Variants in ARMC10 observed in about 807,000 individuals in gnomAD.
ARMC10 encodes armadillo repeat-containing protein 10.
A neutral mutation model predicts 30.2 loss-of-function variants in ARMC10; 23 were observed. The observed-to-expected ratio is 0.76, with a 90% CI of 0.55 to 1.08. The LOEUF (loss-of-function observed/expected upper bound fraction) is 1.08, where lower values mean the gene tolerates loss of function less well. Among genes scored for constraint, ARMC10 ranks in the 50% least tolerant of loss-of-function variants. The pLI, the probability that ARMC10 is intolerant of heterozygous loss-of-function variation, is 0.00. For missense variants in ARMC10, 303 were observed against 413.7 expected (o/e 0.73, Z 2.32); for synonymous variants, 111 against 164.4 (o/e 0.68, Z 2.48).
chr7:103,083,989 AAC>A, intron 3 of ARMC10, 159 bp downstream of exon 3: 1 of 1,488,202 alleles, frequency 6.7e-7, no homozygotes, highest in South Asian at 1.3e-5. Flanking sequence ...ACTTCTGAAA[AAC>A]ACAGCCTAAT....
intron 4 of ARMC10, 141 bp downstream of exon 4, chr7:103,086,905 G>C: frequency 6.6e-7 from 1 of 1,518,032 alleles, no homozygotes; most frequent in Non-Finnish European, 8.8e-7. Context: ...GAATAAGACA[G>C]AAGAGGGAGG....
At chr7:103,088,882 C>G (rs1275884507) in intron 4 of ARMC10, 1 of 153,808 alleles carries the variant, frequency 6.5e-6, no homozygotes, top group Non-Finnish European at 1.5e-5. Flanking sequence ...CCATAGTGTC[C>G]CATGGGTTTA....
At chr7:103,091,931 G>T (rs1187662820) in intron 4 of ARMC10, among the ~76,000 whole-genome samples, 1 of 152,356 alleles carries the variant, frequency 6.6e-6, no homozygotes, top group South Asian at 2.1e-4. Context: ...ACTCATTAGA[G>T]TTGTCTTCAG....
Position 103,098,602 on chromosome 7 carries a change from T to C in ARMC10, c.*49T>C. The C allele has an allele frequency of 6.7e-7, 1 of 1,496,780 alleles. No homozygotes were observed. The highest frequency in any genetic ancestry group is 1.4e-5 in the African/African-American group (1 of 71,456). The allele number at this position is 1,496,780 out of a possible 1,614,324, so 92.7% of individuals were successfully genotyped here. A position where few individuals can be genotyped will look rare whatever the true frequency, so the allele number is the denominator to read the frequency against. ...AATGCAGTCTGGATATAAACGTATT[T>C]TCTGTCTTCCTTATAAGGGGATTCT... On this transcript the variant is annotated 3_prime_UTR_variant, in exon 7 of 7. Coordinates refer to ENST00000323716, the MANE Select transcript of ARMC10 (RefSeq NM_031905.5).
chr7:103,092,772 A>C (rs1348720212), intron 5 of ARMC10, 119 bp downstream of exon 5: 1 of 677,408 alleles, frequency 1.5e-6, no homozygotes, highest in Admixed American at 3.9e-5. Context: ...GGCCCAAGAA[A>C]GTATATTATT....
intron 2 of ARMC10, among the ~76,000 whole-genome samples, chr7:103,080,615 A>G (rs1800297309): frequency 6.6e-6 from 1 of 150,450 alleles, no homozygotes; most frequent in African/African-American, 2.4e-5. Context: ...TAGGCTCATT[A>G]TTTTATTTTT....
At chr7:103,091,058 T>G (rs1801274097) in intron 4 of ARMC10, among the ~76,000 whole-genome samples, 1 of 152,200 alleles carries the variant, frequency 6.6e-6, no homozygotes, top group African/African-American at 2.4e-5. Flanking sequence ...TTCTTAGCAG[T>G]TAGAACTTTT....
intron 1 of ARMC10, 110 bp downstream of exon 1, chr7:103,075,521 G>T: frequency 8.9e-7 from 1 of 1,129,504 alleles, no homozygotes. Flanking sequence ...CGAGCTAGAG[G>T]GAGAGGCAGT....
chr7:103,097,612 A>C (rs1053108209), intron 6 of ARMC10, among the ~76,000 whole-genome samples: 1 of 152,178 alleles, frequency 6.6e-6, no homozygotes, highest in Non-Finnish European at 1.5e-5. Flanking sequence ...TTTGGGTACA[A>C]TTGTGCCATC....
intron 2 of ARMC10, among the ~76,000 whole-genome samples, chr7:103,079,910 A>C (rs1156631891): frequency 6.6e-6 from 1 of 152,368 alleles, no homozygotes; most frequent in East Asian, 1.9e-4. Context: ...CTACATAAAC[A>C]GGCATATTGT....
intron 4 of ARMC10, among the ~76,000 whole-genome samples, chr7:103,092,015 A>G (rs1020182958): frequency 2.0e-5 from 3 of 152,246 alleles, no homozygotes; most frequent in African/African-American, 7.2e-5. Flanking sequence ...TAAAAAGTCA[A>G]CAACTTTTGA....
intron 2 of ARMC10, among the ~76,000 whole-genome samples, chr7:103,079,650 A>G (rs1216219056): frequency 6.6e-6 from 1 of 152,254 alleles, no homozygotes; most frequent in African/African-American, 2.4e-5. Flanking sequence ...AGAATTAACT[A>G]ACTACTAGAA....
chr7:103,085,193 T>C (rs560431991), intron 3 of ARMC10, among the ~76,000 whole-genome samples: 4 of 152,248 alleles, frequency 2.6e-5, no homozygotes, highest in South Asian at 2.1e-4. Context: ...AGAAGTACTT[T>C]CTTGAGCAGC....
chr7:103,080,697 G>A (rs984602949), intron 2 of ARMC10, among the ~76,000 whole-genome samples: 4 of 148,842 alleles, frequency 2.7e-5, no homozygotes, highest in South Asian at 4.3e-4. Flanking sequence ...GTGGGATCTC[G>A]GCTCACTGCA....
intron 2 of ARMC10, chr7:103,082,989 T>C (rs1800524339): frequency 2.2e-6 from 1 of 449,620 alleles, no homozygotes. Flanking sequence ...TTTACTCTCA[T>C]AGCTTTCCTT....
chr7:103,084,260 C>T (rs1023625840), intron 3 of ARMC10, among the ~76,000 whole-genome samples: 1 of 152,222 alleles, frequency 6.6e-6, no homozygotes, highest in African/African-American at 2.4e-5. Flanking sequence ...TAAATGGCTC[C>T]TGCAAATGGA....
rs184600580 is a variant in ARMC10, at chr7:103,084,872, A to T, written c.393+1042A>T. On this transcript the variant is annotated intron_variant, in intron 3 of 6. Coordinates refer to ENST00000323716, the MANE Select transcript of ARMC10 (RefSeq NM_031905.5). ...GGATCCAGTGTTAACCCTTTGGATCAATCTCCGGGGCAATTTCTGGATCAG... is the reference window on the plus strand; with the variant it reads ...GGATCCAGTGTTAACCCTTTGGATCTATCTCCGGGGCAATTTCTGGATCAG... Among the ~76,000 whole-genome samples, 446 of 152,326 alleles carry T rather than the reference A, an allele frequency of 2.9e-3. 1 individual carries two copies. Among genetic ancestry groups the T allele is most frequent in the Middle Eastern group, 0.01 (3 of 294 alleles).
At chr7:103,088,809 A>G in intron 4 of ARMC10, 1 of 173,594 alleles carries the variant, frequency 5.8e-6, no homozygotes, top group Middle Eastern at 7.4e-4. Context: ...GCTGCTGCAA[A>G]TTGCTGAGAT....
chr7:103,077,127 G>A (rs1799953392), intron 2 of ARMC10, among the ~76,000 whole-genome samples: 1 of 152,128 alleles, frequency 6.6e-6, no homozygotes, highest in South Asian at 2.1e-4. Flanking sequence ...CTTGGCTTAA[G>A]CAGTGCTCCT....
Sources: gnomAD v4.1 joint callset for allele counts (sites outside exome capture counted in the v4.1 genomes callset) on GRCh38, gnomAD v4.1.1 for gene constraint, MANE v1.5 for transcripts, NCBI Gene and HGNC (gene_info 2026-07-23, HGNC 2026-07-21) for gene names.